Variants in RNF17 observed in about 807,000 individuals in gnomAD.
RNF17 encodes the protein spermatogenesis associated 23.
In RNF17, 31 loss-of-function variants were observed where a neutral mutation model predicts 200.5. The observed-to-expected ratio is 0.15, with a 90% CI of 0.12 to 0.21. The LOEUF (loss-of-function observed/expected upper bound fraction) is 0.21. Among genes scored for constraint, RNF17 ranks in the 10% least tolerant of loss-of-function variants. The pLI, the probability that RNF17 is intolerant of heterozygous loss-of-function variation, is 1.00. For missense variants in RNF17, 1,628 were observed against 1,905.1 expected (o/e 0.85, Z 2.71); for synonymous variants, 606 against 637.8 (o/e 0.95, Z 0.75).
Position 24,800,324 on chromosome 13 carries a change from T to A in RNF17, c.1590-42T>A, listed in dbSNP as rs781334887. 4 of 1,396,654 alleles carry A rather than the reference T, an allele frequency of 2.9e-6. No individual in the cohort carries two copies. The Admixed American group carries it at 8.3e-5, about 29-fold the overall frequency. 86.5% of individuals were successfully genotyped at this position (1,396,654 alleles called of 1,614,324 possible). ...CTGTGGGGGAAAACAAATTTAAGTT[T>A]GAAGCATTATTTTCAATAAATATTA... On this transcript the variant is annotated intron_variant, in intron 12 of 35. Transcript: ENST00000255324.
chr13:24,840,541 G>C (rs1890511881), intron 18 of RNF17, among the ~76,000 whole-genome samples: 1 of 152,082 alleles, frequency 6.6e-6, no homozygotes. Flanking sequence ...GTGTGTGTGT[G>C]TGAATATGAA....
chr13:24,769,173 G>T (rs9553437), intron 2 of RNF17, among the ~76,000 whole-genome samples: 29,500 of 149,036 alleles, frequency 0.2, 3,150 homozygotes, highest in South Asian at 0.32. Flanking sequence ...GTCCATATCC[G>T]TCCTGTTCTA....
chr13:24,885,071 G>A, the RNF17 span, among the ~76,000 whole-genome samples: 1 of 152,006 alleles, frequency 6.6e-6, no homozygotes, highest in Non-Finnish European at 1.5e-5. Context: ...AAGCTTTTAA[G>A]AAGTGCCAAG....
intron 3 of RNF17, among the ~76,000 whole-genome samples, chr13:24,777,359 C>T (rs746783397): frequency 6.6e-6 from 1 of 152,204 alleles, no homozygotes; most frequent in Non-Finnish European, 1.5e-5. Context: ...TGTGTGCTAG[C>T]CAATATGGTG....
At chr13:24,779,423 A>C (rs1882047603) in intron 4 of RNF17, among the ~76,000 whole-genome samples, 1 of 152,190 alleles carries the variant, frequency 6.6e-6, no homozygotes, top group Non-Finnish European at 1.5e-5. Context: ...TCCCATTTAA[A>C]AAAATATCTT....
the RNF17 span, among the ~76,000 whole-genome samples, chr13:24,748,369 A>G: frequency 2.0e-5 from 3 of 152,256 alleles, no homozygotes; most frequent in Non-Finnish European, 4.4e-5. Context: ...CCTGTGACTT[A>G]GAAATGGGTT....
At chr13:24,770,601 T>G (rs1387835040) in intron 2 of RNF17, among the ~76,000 whole-genome samples, 1 of 152,172 alleles carries the variant, frequency 6.6e-6, no homozygotes, top group Non-Finnish European at 1.5e-5. Context: ...TCAGTGAGAT[T>G]TGTTAAAAGT....
At chr13:24,827,751 G>A (rs755452590) in intron 16 of RNF17, among the ~76,000 whole-genome samples, 1 of 146,824 alleles carries the variant, frequency 6.8e-6, no homozygotes, top group Admixed American at 6.8e-5. Flanking sequence ...TTTACTTCTC[G>A]GTTCTAGAGT....
At chr13:24,761,472 T>C (rs544795269), upstream of RNF17, among the ~76,000 whole-genome samples, 13 of 152,358 alleles carry the variant, frequency 8.5e-5, no homozygotes, top group South Asian at 2.3e-3. Flanking sequence ...AATTTCTCTT[T>C]AGTTTTGGTG....
In RNF17 at chr13:24,854,132, C is replaced by A. The variant is rs774315330; in HGVS notation, c.3598C>A (p.Pro1200Thr). 1.5e-5 allele frequency: 24 copies of A among 1,610,598 alleles called. No individual in the cohort carries two copies. Among genetic ancestry groups the A allele is most frequent in the Non-Finnish European group, 2.0e-5 (24 of 1,177,758 alleles). ...VGDDGTIFVV[P>T]KLSEFELIKM... Reference sequence around the variant, plus strand: ...TGATGATGGAACTATATTTGTAGTACCTAAACTATCAGGTGAGACCTTCTA... The same window carrying A: ...TGATGATGGAACTATATTTGTAGTAACTAAACTATCAGGTGAGACCTTCTA... The change falls in exon 25 of 36, where the codon CCT becomes ACT. Residue 1200 changes from proline (P) to threonine (T), a missense_variant. Coordinates refer to ENST00000255324, the MANE Select transcript of RNF17 (RefSeq NM_031277.3).
chr13:24,882,568 T>C (rs1328431159), downstream of RNF17: 2 of 153,338 alleles, frequency 1.3e-5, no homozygotes, highest in Non-Finnish European at 2.9e-5. Flanking sequence ...CTCTCAAGTA[T>C]CCCATTTTGA....
At chr13:24,818,602 T>C (rs983952366) in intron 15 of RNF17, among the ~76,000 whole-genome samples, 7 of 152,202 alleles carry the variant, frequency 4.6e-5, no homozygotes, top group Non-Finnish European at 7.4e-5. Flanking sequence ...TATATCTTAC[T>C]GGTGAATTGG....
At chr13:24,779,147 A>C (rs955533071) in intron 4 of RNF17, among the ~76,000 whole-genome samples, 4 of 152,156 alleles carry the variant, frequency 2.6e-5, no homozygotes, top group Non-Finnish European at 5.9e-5. Flanking sequence ...CAGTGAGCAG[A>C]GATAGCATCA....
downstream of RNF17, chr13:24,883,141 G>C: frequency 6.5e-7 from 1 of 1,545,814 alleles, no homozygotes; most frequent in Non-Finnish European, 8.9e-7. Context: ...AACATAAAAA[G>C]TCAGTTACTG....
rs533118210 is a variant in RNF17 at position 24,862,964 on chromosome 13, C to A, written c.3975+171C>A. On this transcript the variant is annotated intron_variant, in intron 28 of 35. Coordinates refer to ENST00000255324, the MANE Select transcript of RNF17 (RefSeq NM_031277.3). Reference sequence around the variant, plus strand: ...GGTTCCTGCGCCTGCTTTAAATAAGCCTGCTTTTGAACAAGTTCCTGAGAA... The same window carrying A: ...GGTTCCTGCGCCTGCTTTAAATAAGACTGCTTTTGAACAAGTTCCTGAGAA... 5.9e-5 allele frequency among the ~76,000 whole-genome samples: 9 copies of A among 152,286 alleles called. No homozygotes were observed. In the South Asian group the frequency reaches 1.9e-3, roughly 32 times the overall value.
chr13:24,859,746 A>T (rs899270802), intron 26 of RNF17, among the ~76,000 whole-genome samples: 1 of 152,126 alleles, frequency 6.6e-6, no homozygotes, highest in Non-Finnish European at 1.5e-5. Flanking sequence ...GAAAAACTTA[A>T]GTGAAAAAGT....
chr13:24,848,619 C>G (rs1400012524), intron 22 of RNF17, among the ~76,000 whole-genome samples: 1 of 152,000 alleles, frequency 6.6e-6, no homozygotes, highest in Non-Finnish European at 1.5e-5. Context: ...GCCAAGATTG[C>G]GCCACTGCAC....
At chr13:24,797,566 A>C (rs1224171309) in intron 11 of RNF17, among the ~76,000 whole-genome samples, 1 of 152,104 alleles carries the variant, frequency 6.6e-6, no homozygotes, top group African/African-American at 2.4e-5. Flanking sequence ...GAGTTTGCAC[A>C]TTCTCCCCGT....
intron 13 of RNF17, among the ~76,000 whole-genome samples, chr13:24,800,902 G>A (rs896514033): frequency 1.3e-5 from 2 of 151,908 alleles, no homozygotes; most frequent in African/African-American, 4.8e-5. Flanking sequence ...TGCATTCTGC[G>A]TTTTGTATTA....
Sources: gnomAD v4.1 joint callset for allele counts (sites outside exome capture counted in the v4.1 genomes callset) on GRCh38, gnomAD v4.1.1 for gene constraint, MANE v1.5 for transcripts, NCBI Gene and HGNC (gene_info 2026-07-23, HGNC 2026-07-21) for gene names.